RAD51B: variants seen among roughly 807,000 people sequenced by gnomAD.
RAD51B encodes DNA repair protein RAD51 homolog 2.
RAD51B carries 38 observed loss-of-function variants against 42.2 expected under a neutral mutation model. The ratio of observed to expected loss-of-function variants is 0.90; its 90% confidence interval spans 0.70 to 1.18. The LOEUF (loss-of-function observed/expected upper bound fraction) is 1.18, where lower values mean the gene tolerates loss of function less well. Among genes scored for constraint, RAD51B ranks in the 50% most tolerant of loss-of-function variants. RAD51B has a pLI of 0.00. For missense variants in RAD51B, 373 were observed against 400.7 expected (o/e 0.93, Z 0.59); for synonymous variants, 154 against 145.2 (o/e 1.06, Z -0.43).
At chr14:67,847,886 GC>G (rs111532396) in intron 4 of RAD51B, among the ~76,000 whole-genome samples, 59,847 of 151,418 alleles carry the variant, frequency 0.4, 12,972 homozygotes, top group African/African-American at 0.57. Context: ...GGGTGTTGAA[GC>G]CCCCCCCCAT....
intron 8 of RAD51B, among the ~76,000 whole-genome samples, chr14:68,375,068 G>T (rs1236456033): frequency 6.6e-6 from 1 of 151,892 alleles, no homozygotes; most frequent in Non-Finnish European, 1.5e-5. Context: ...CACAGTCATG[G>T]TTTGTAAAGG....
In RAD51B at chr14:68,339,337, G is replaced by A. The variant is rs999425193; in HGVS notation, c.853+47357G>A. ...CACTTACAGAGGATGGCTCTCTGCC[G>A]CTGCAACCTGATATAGTGGGGCCAT... On this transcript the variant is annotated intron_variant, in intron 8 of 10. Coordinates refer to ENST00000471583, the MANE Select transcript of RAD51B (RefSeq NM_133510.4). The A allele has an allele frequency of 8.8e-6, 9 of 1,027,904 alleles. 1 individual carries two copies. Among genetic ancestry groups the A allele is most frequent in the South Asian group, 7.8e-5 (6 of 77,272 alleles). 63.7% of individuals were successfully genotyped at this position (1,027,904 alleles called of 1,614,324 possible).
chr14:68,192,801 C>A (rs906850706), intron 7 of RAD51B, among the ~76,000 whole-genome samples: 4 of 152,082 alleles, frequency 2.6e-5, no homozygotes, highest in Non-Finnish European at 5.9e-5. Context: ...TTATGAGTTA[C>A]CCTTGTTAAA....
intron 10 of RAD51B, among the ~76,000 whole-genome samples, chr14:68,629,130 G>A (rs2145154): frequency 0.43 from 65,501 of 151,892 alleles, 14,607 homozygotes; most frequent in East Asian, 0.71. Context: ...GCCCCCAGGG[G>A]AAATCACACC....
At chr14:67,939,857 G>A (rs1262014874) in intron 7 of RAD51B, among the ~76,000 whole-genome samples, 2 of 150,504 alleles carry the variant, frequency 1.3e-5, no homozygotes, top group Non-Finnish European at 3.0e-5. Context: ...CATTAATTTT[G>A]GGAGGACACA....
intron 7 of RAD51B, among the ~76,000 whole-genome samples, chr14:68,006,640 AT>A (rs1483585182): frequency 6.6e-6 from 1 of 152,110 alleles, no homozygotes; most frequent in Non-Finnish European, 1.5e-5. Context: ...TAAGGAGTGC[AT>A]CATTTAAAAA....
intron 5 of RAD51B, among the ~76,000 whole-genome samples, chr14:67,876,559 G>T (rs530144581): frequency 4.3e-4 from 66 of 152,278 alleles, no homozygotes; most frequent in Admixed American, 7.2e-4. Context: ...CCAAATTAAG[G>T]CATAGATAGT....
chr14:68,164,891 A>G (rs1365879496), intron 7 of RAD51B, among the ~76,000 whole-genome samples: 1 of 152,206 alleles, frequency 6.6e-6, no homozygotes, highest in Non-Finnish European at 1.5e-5. Flanking sequence ...CAAAGGTCCT[A>G]GCTGTTCATT....
intron 10 of RAD51B, among the ~76,000 whole-genome samples, chr14:68,527,495 CA>C (rs1416501914): frequency 7.2e-5 from 11 of 152,378 alleles, no homozygotes; most frequent in African/African-American, 2.4e-4. Flanking sequence ...TGGCAGGGAT[CA>C]GGGGCACCCC....
At chr14:68,149,155 G>T (rs1012359570) in intron 7 of RAD51B, among the ~76,000 whole-genome samples, 4 of 152,058 alleles carry the variant, frequency 2.6e-5, no homozygotes, top group African/African-American at 9.7e-5. Flanking sequence ...TATTTGGTTT[G>T]TCTATTCATT....
chr14:68,604,773 T>G (rs2140098934), intron 10 of RAD51B, among the ~76,000 whole-genome samples: 2 of 147,846 alleles, frequency 1.4e-5, no homozygotes, highest in South Asian at 4.2e-4. Context: ...AGGGCCACGC[T>G]GCTCTGGTCT....
intron 10 of RAD51B, among the ~76,000 whole-genome samples, chr14:68,503,754 C>T (rs1033379068): frequency 6.6e-6 from 1 of 152,192 alleles, no homozygotes; most frequent in African/African-American, 2.4e-5. Context: ...GAACTGAACT[C>T]AGCAGCTGAA....
chr14:67,978,987 A>G (rs937417916), intron 7 of RAD51B, among the ~76,000 whole-genome samples: 1 of 152,156 alleles, frequency 6.6e-6, no homozygotes, highest in Admixed American at 6.5e-5. Flanking sequence ...TCCCCCCACC[A>G]CCAGAACTTG....
chr14:68,650,391 G>T (rs1484416128), intron 10 of RAD51B, among the ~76,000 whole-genome samples: 2 of 152,202 alleles, frequency 1.3e-5, no homozygotes, highest in African/African-American at 2.4e-5. Context: ...AGCAGGCAGG[G>T]TGATTGTCTG....
chr14:68,163,024 G>C (rs907125689), intron 7 of RAD51B, among the ~76,000 whole-genome samples: 1 of 152,152 alleles, frequency 6.6e-6, no homozygotes, highest in Admixed American at 6.5e-5. Context: ...CATGAAAATA[G>C]TTTATACTGT....
intron 11 of RAD51B, among the ~76,000 whole-genome samples, chr14:68,653,368 T>G (rs1892741452): frequency 6.6e-6 from 1 of 152,032 alleles, no homozygotes; most frequent in Non-Finnish European, 1.5e-5. Flanking sequence ...AGCAAGACCC[T>G]GTCTTTCAAA....
chr14:68,051,101 A>C (rs2076385878), intron 7 of RAD51B, among the ~76,000 whole-genome samples: 1 of 151,940 alleles, frequency 6.6e-6, no homozygotes. Flanking sequence ...AAATCTTTAA[A>C]ATGCCTAAGA....
chr14:68,276,836 G>C (rs2139607776), intron 7 of RAD51B, among the ~76,000 whole-genome samples: 1 of 152,312 alleles, frequency 6.6e-6, no homozygotes, highest in South Asian at 2.1e-4. Context: ...GGGAAGAAAG[G>C]ACTGTGTAGA....
At chr14:67,918,444 A>C (rs1226924642) in intron 7 of RAD51B, among the ~76,000 whole-genome samples, 3 of 152,182 alleles carry the variant, frequency 2.0e-5, no homozygotes, top group Non-Finnish European at 4.4e-5. Flanking sequence ...CATGTTGGCC[A>C]GGCTAGTCTC....
Sources: gnomAD v4.1 joint callset for allele counts (sites outside exome capture counted in the v4.1 genomes callset) on GRCh38, gnomAD v4.1.1 for gene constraint, MANE v1.5 for transcripts, NCBI Gene and HGNC (gene_info 2026-07-23, HGNC 2026-07-21) for gene names.